Variants in ELP1 observed in about 807,000 individuals in gnomAD.
The protein encoded by ELP1 is elongator complex protein 1.
Under a neutral mutation model 183.2 loss-of-function variants are expected in ELP1, and 131 were observed. That is an observed-to-expected ratio of 0.72 (90% CI 0.62 to 0.83). The LOEUF (loss-of-function observed/expected upper bound fraction) is 0.83, where lower values mean the gene tolerates loss of function less well. ELP1 is among the 40% of genes least tolerant of loss of function. ELP1 has a pLI of 0.00. For synonymous variants in ELP1, 555 were observed against 569.0 expected (o/e 0.98, Z 0.35); for missense variants, 1,550 against 1,594.9 (o/e 0.97, Z 0.48).
At chr9:108,897,459 T>C (rs1381072583) in intron 22 of ELP1, among the ~76,000 whole-genome samples, 174 bp from the exon 23 acceptor site, 2 of 152,192 alleles carry the variant, frequency 1.3e-5, no homozygotes, top group Non-Finnish European at 2.9e-5. Flanking sequence ...ATACAAATGT[T>C]TGTAGATGTT....
intron 10 of ELP1, among the ~76,000 whole-genome samples, chr9:108,915,687 GTCTC>G (rs929043428): frequency 4.1e-5 from 5 of 122,756 alleles, no homozygotes; most frequent in Non-Finnish European, 8.2e-5. Context: ...CTCTCTCACC[GTCTC>G]TCTATGTAAG....
chr9:108,893,304 G>C (rs1466918941), intron 26 of ELP1, among the ~76,000 whole-genome samples: 1 of 152,182 alleles, frequency 6.6e-6, no homozygotes, highest in Admixed American at 6.5e-5. Flanking sequence ...TCCTACTTAA[G>C]AGTCCCAGCT....
chr9:108,905,737 C>A (rs376080057), intron 14 of ELP1, among the ~76,000 whole-genome samples: 13 of 152,126 alleles, frequency 8.5e-5, no homozygotes, highest in African/African-American at 3.1e-4. Flanking sequence ...CCTACTACAC[C>A]CCTAGCCTAT....
Position 108,872,532 on chromosome 9 carries a change from C to T in ELP1, c.3931+2363G>A, listed in dbSNP as rs534191892. ...AAAAAAACTAGTTACAGGCCGGGCG[C>T]GGTGGCTCACGCTTGTAATCCCAGC... On this transcript the variant is annotated intron_variant, in intron 36 of 36. Transcript: ENST00000374647. Among the ~76,000 whole-genome samples, 336 of 152,116 alleles carry T rather than the reference C, an allele frequency of 2.2e-3. 2 individuals carry two copies. Among genetic ancestry groups the T allele is most frequent in the African/African-American group, 7.9e-3 (326 of 41,462 alleles).
At position 108,929,875 on chromosome 9, in the gene ELP1, T is replaced by A; in HGVS notation, c.197A>T (p.Asp66Val). 1 of 1,613,906 alleles carries A rather than the reference T, an allele frequency of 6.2e-7. No individual in the cohort carries two copies. Among genetic ancestry groups the A allele is most frequent in the Admixed American group, 1.7e-5 (1 of 60,018 alleles). ...AACACCAACAATGCGGCCACTTCCA[T>A]CCTCTGGGAGAAAGCCTTCTGCCAC... ...SLVAEGFLPE[D>V]GSGRIVGVQD... Residue 66 changes from aspartate (D) to valine (V), a missense_variant, in exon 3 of 37, where the codon GAT becomes GTT. Coordinates refer to ENST00000374647, the MANE Select transcript of ELP1 (RefSeq NM_003640.5).
chr9:108,880,765 A>G (rs1447224259), intron 31 of ELP1, among the ~76,000 whole-genome samples: 3 of 152,246 alleles, frequency 2.0e-5, no homozygotes, highest in Non-Finnish European at 4.4e-5. Context: ...AAATCTAAGT[A>G]AGAGCTGGTT....
At chr9:108,902,578 T>C (rs1828851816) in intron 16 of ELP1, among the ~76,000 whole-genome samples, 1 of 152,250 alleles carries the variant, frequency 6.6e-6, no homozygotes, top group Admixed American at 6.5e-5. Flanking sequence ...TAACTTTGAA[T>C]GATTTGTACA....
At chr9:108,870,470 G>A (rs1175944304) in intron 36 of ELP1, among the ~76,000 whole-genome samples, 1 of 152,158 alleles carries the variant, frequency 6.6e-6, no homozygotes, top group East Asian at 1.9e-4. Context: ...TTAAATGGAA[G>A]TGGATCATCA....
At chr9:108,900,780 CACAT>C (rs1213120735) in intron 18 of ELP1, among the ~76,000 whole-genome samples, 4 of 151,078 alleles carry the variant, frequency 2.6e-5, no homozygotes, top group Non-Finnish European at 5.9e-5. Flanking sequence ...ACGCCACACA[CACAT>C]ACACGCCACA....
intron 19 of ELP1, 95 bp downstream of exon 19, chr9:108,900,164 GA>G: frequency 1.1e-6 from 1 of 922,582 alleles, no homozygotes; most frequent in Non-Finnish European, 1.8e-6. Context: ...ACGATACAAA[GA>G]ATAAGAAAGC....
chr9:108,884,502 AAAAT>A (rs2131957144), intron 29 of ELP1, among the ~76,000 whole-genome samples: 1 of 152,182 alleles, frequency 6.6e-6, no homozygotes, highest in South Asian at 2.1e-4. Flanking sequence ...ATTATAAATT[AAAAT>A]AAATTATAAA....
intron 33 of ELP1, among the ~76,000 whole-genome samples, chr9:108,878,967 T>C (rs1827809242): frequency 6.6e-6 from 1 of 152,204 alleles, no homozygotes. Context: ...AACTCATATC[T>C]CCTTATAAGT....
At chr9:108,925,504 C>T (rs1008232057) in intron 5 of ELP1, among the ~76,000 whole-genome samples, 13 of 151,738 alleles carry the variant, frequency 8.6e-5, no homozygotes, top group African/African-American at 3.1e-4. Flanking sequence ...CTACTCCAAA[C>T]CCTTATCCCT....
At chr9:108,889,206 G>A (rs1828232007) in intron 29 of ELP1, 126 bp downstream of exon 29, 1 of 916,294 alleles carries the variant, frequency 1.1e-6, no homozygotes. Context: ...TAAGACCTCT[G>A]GGGCAAACAC....
At chr9:108,930,948 G>A in intron 2 of ELP1, 49 bp downstream of exon 2, 1 of 1,590,454 alleles carries the variant, frequency 6.3e-7, no homozygotes, top group East Asian at 2.2e-5. Context: ...TGGAAGAAGA[G>A]AAATCAAGGG....
chr9:108,905,907 G>A (rs1041083582), intron 14 of ELP1, among the ~76,000 whole-genome samples: 11 of 144,026 alleles, frequency 7.6e-5, no homozygotes, highest in African/African-American at 2.6e-4. Context: ...ACATATATGC[G>A]CATGACTGCA....
intron 10 of ELP1, among the ~76,000 whole-genome samples, chr9:108,915,178 G>A (rs1220386407): frequency 2.0e-5 from 3 of 152,134 alleles, no homozygotes; most frequent in African/African-American, 7.2e-5. Context: ...CACGTCCACA[G>A]AATTCCTTTG....
chr9:108,926,391 A>G, intron 5 of ELP1, 132 bp downstream of exon 5: 1 of 751,146 alleles, frequency 1.3e-6, no homozygotes, highest in South Asian at 1.5e-5. Context: ...AACTGGGCTA[A>G]TAGACATTTA....
At chr9:108,910,732 C>T (rs893480904) in intron 12 of ELP1, among the ~76,000 whole-genome samples, 1 of 150,944 alleles carries the variant, frequency 6.6e-6, no homozygotes, top group Non-Finnish European at 1.5e-5. Context: ...CAATGTATAA[C>T]ATACTATGTT....
Sources: allele counts gnomAD v4.1 joint callset (sites outside exome capture counted in the v4.1 genomes callset), GRCh38; gene constraint gnomAD v4.1.1; transcripts MANE v1.5; gene names NCBI Gene and HGNC (gene_info 2026-07-23, HGNC 2026-07-21).